The following DMRTA1 variants were observed in gnomAD, a reference collection of about 807,000 sequenced individuals.
The protein encoded by DMRTA1 is DMRT like family A1.
DMRTA1 carries 34 observed loss-of-function variants against 35.2 expected under a neutral mutation model. The ratio of observed to expected loss-of-function variants is 0.97; its 90% confidence interval spans 0.74 to 1.29. The LOEUF (loss-of-function observed/expected upper bound fraction) is 1.29. Ranked by LOEUF, DMRTA1 falls within the 50% of genes most tolerant of loss-of-function variation. The pLI is 0.00. For synonymous variants in DMRTA1, 344 were observed against 276.6 expected (o/e 1.24, Z -2.42); for missense variants, 824 against 644.6 (o/e 1.28, Z -3.01).
chr9:22,446,910 C>T lies in DMRTA1; in HGVS notation c.-156C>T, dbSNP rs1487313425. The T allele has an allele frequency of 1.1e-6, 1 of 945,860 alleles. No individual in the cohort carries two copies. Among genetic ancestry groups the T allele is most frequent in the Non-Finnish European group, 1.5e-6 (1 of 651,394 alleles). The allele number at this position is 945,860 out of a possible 1,614,324, so 58.6% of individuals were successfully genotyped here. A position where few individuals can be genotyped will look rare whatever the true frequency, so the allele number is the denominator to read the frequency against. On this transcript the variant is annotated 5_prime_UTR_variant, in exon 1 of 2. Transcript: ENST00000325870. ...CTCCAGGACGCGGTCGTCCCAACTC[C>T]TTCCGAGTGGAAAGAGTGTAAAACT...
rs1376141620 is a variant in DMRTA1 at position 22,455,116 on chromosome 9, CAT to C, written c.*3207_*3208del. 6.6e-6 allele frequency: 1 copy of C among 152,142 alleles called. No individual in the cohort carries two copies. The highest frequency in any genetic ancestry group is 1.5e-5 in the Non-Finnish European group (1 of 68,018). The allele number at this position is 152,142 out of a possible 1,614,324, so 9.4% of individuals were successfully genotyped here. A position where few individuals can be genotyped will look rare whatever the true frequency, so the allele number is the denominator to read the frequency against. On this transcript the variant is annotated 3_prime_UTR_variant, in exon 2 of 2. Transcript: ENST00000325870. The stretch of plus-strand genomic sequence containing the variant: ...CCTGAGAGTAGGCAGAAAAGAAAGA[CAT>C]AGAACGCAGTGCGTGACTTACAAGG...
Position 22,447,795 on chromosome 9 carries a change from A to G in DMRTA1, c.667+63A>G, listed in dbSNP as rs1448286497. ...GGTTGTTCTGGAAAGAAACTCTGAA[A>G]CAAGCCACCGTGTCCATAGGCGGGC... On this transcript the variant is annotated intron_variant, in intron 1 of 1. Coordinates refer to ENST00000325870, the MANE Select transcript of DMRTA1 (RefSeq NM_022160.3). 5.6e-6 allele frequency: 9 copies of G among 1,593,272 alleles called. No individual in the cohort carries two copies. The African/African-American group carries it at 1.2e-4, about 21-fold the overall frequency.
intron 1 of DMRTA1, 51 bp downstream of exon 1, chr9:22,447,783 AG>A (rs774005035): frequency 1.9e-6 from 3 of 1,604,770 alleles, no homozygotes; most frequent in African/African-American, 1.3e-5. Context: ...TGTTCTGGAA[AG>A]AAACTCTGAA....
At position 22,455,114 on chromosome 9, in the gene DMRTA1, G is replaced by A. The variant is rs969868063; in HGVS notation, c.*3203G>A. 2 of 152,164 alleles carry A rather than the reference G, an allele frequency of 1.3e-5. No homozygotes were observed. The highest frequency in any genetic ancestry group is 2.9e-5 in the Non-Finnish European group (2 of 68,018). 9.4% of individuals were successfully genotyped at this position (152,164 alleles called of 1,614,324 possible). ...CTCCTGAGAGTAGGCAGAAAAGAAA[G>A]ACATAGAACGCAGTGCGTGACTTAC... is the stretch of plus-strand genomic sequence containing the variant. On this transcript the variant is annotated 3_prime_UTR_variant, in exon 2 of 2. Coordinates refer to ENST00000325870, the MANE Select transcript of DMRTA1 (RefSeq NM_022160.3).
At chr9:22,448,482 AT>A (rs1311444594) in intron 1 of DMRTA1, among the ~76,000 whole-genome samples, 27 of 152,024 alleles carry the variant, frequency 1.8e-4, no homozygotes, top group Non-Finnish European at 2.5e-4. Flanking sequence ...AGTTTTCATT[AT>A]TTTTCTCTTA....
Position 22,451,391 on chromosome 9 carries a change from T to C in DMRTA1, c.995T>C (p.Ile332Thr). ...TCAAGACCAAGAGATCCTCTTGATA[T>C]CCTTACTAAGATTTTCCCAAATTAC... ...VSSRPRDPLD[I>T]LTKIFPNYRR... The change falls in exon 2 of 2, where the codon ATC becomes ACC. Residue 332 changes from isoleucine to threonine, a missense_variant. Transcript: ENST00000325870. 2 of 1,614,128 alleles carry C rather than the reference T, an allele frequency of 1.2e-6. No homozygotes were observed. The highest frequency in any genetic ancestry group is 1.1e-5 in the South Asian group (1 of 91,086).
rs148609080 is a variant in DMRTA1 at position 22,450,063 on chromosome 9, A to G, written c.668-1001A>G. ...AACCAAAGTAAAAGTTACATAGTAA[A>G]TATGGCTATTTTAATTTTTGTGGTG... On this transcript the variant is annotated intron_variant, in intron 1 of 1. Coordinates refer to ENST00000325870, the MANE Select transcript of DMRTA1 (RefSeq NM_022160.3). Among the ~76,000 whole-genome samples, 1,051 of 152,266 alleles carry G rather than the reference A, an allele frequency of 6.9e-3. 5 individuals are homozygous for G. The highest frequency in any genetic ancestry group is 0.02 in the African/African-American group (818 of 41,586).
In DMRTA1 at chr9:22,453,427, C is replaced by T. The variant is rs1244393541; in HGVS notation, c.*1516C>T. On this transcript the variant is annotated 3_prime_UTR_variant, in exon 2 of 2. Coordinates refer to ENST00000325870, the MANE Select transcript of DMRTA1 (RefSeq NM_022160.3). ...TGCCAGCAAATGTGATATTAAATTACTTCAGAGTATCTGATGCTGATTTAG... is the reference window on the plus strand; with the variant it reads ...TGCCAGCAAATGTGATATTAAATTATTTCAGAGTATCTGATGCTGATTTAG... 6.6e-6 allele frequency: 1 copy of T among 151,974 alleles called. No individual in the cohort carries two copies. The highest frequency in any genetic ancestry group is 1.5e-5 in the Non-Finnish European group (1 of 67,926). 9.4% of individuals were successfully genotyped at this position (151,974 alleles called of 1,614,324 possible).
Position 22,447,251 on chromosome 9 carries a change from C to G in DMRTA1, c.186C>G (p.Ala62=), listed in dbSNP as rs1003716955. 7 of 1,501,722 alleles carry G rather than the reference C, an allele frequency of 4.7e-6. No individual in the cohort carries two copies. Among genetic ancestry groups the G allele is most frequent in the South Asian group, 1.3e-5 (1 of 78,630 alleles). 93.0% of individuals were successfully genotyped at this position (1,501,722 alleles called of 1,614,324 possible). Residue 62 remains alanine, a synonymous_variant, in exon 1 of 2, where the codon GCC becomes GCG. Transcript: ENST00000325870. ...SLFLRAAAAA[A]AAAAATSGSG... The stretch of plus-strand genomic sequence containing the variant: ...TTCTGCGAGCAGCGGCCGCGGCCGC[C>G]GCCGCCGCTGCCGCCACCTCGGGAA...
intron 1 of DMRTA1, 99 bp from the exon 2 acceptor site, chr9:22,450,965 G>T (rs1818914470): frequency 1.7e-6 from 2 of 1,188,906 alleles, no homozygotes; most frequent in African/African-American, 1.6e-5. Context: ...ATTAATAGGA[G>T]TGAATTAATT....
rs1456416031 is a variant in DMRTA1 at position 22,454,666 on chromosome 9, AG to A, written c.*2760del. On this transcript the variant is annotated 3_prime_UTR_variant, in exon 2 of 2. Transcript: ENST00000325870. ...CCACTAATTAGTGGTGGGAAGAAAG[AG>A]GGGGTAAATGCTTTAAGAGCTAGCA... The A allele has an allele frequency of 6.6e-6, 1 of 152,178 alleles. No individual in the cohort carries two copies. Among genetic ancestry groups the A allele is most frequent in the Admixed American group, 6.5e-5 (1 of 15,270 alleles). The allele number at this position is 152,178 out of a possible 1,614,324, so 9.4% of individuals were successfully genotyped here. A position where few individuals can be genotyped will look rare whatever the true frequency, so the allele number is the denominator to read the frequency against.
chr9:22,447,528 G>C lies in DMRTA1; in HGVS notation c.463G>C (p.Gly155Arg). The C allele has an allele frequency of 6.3e-7, 1 of 1,579,754 alleles. No homozygotes were observed. Among genetic ancestry groups the C allele is most frequent in the Non-Finnish European group, 8.6e-7 (1 of 1,163,690 alleles). The change falls in exon 1 of 2, where the codon GGG becomes CGG. Residue 155 changes from glycine (G) to arginine (R), a missense_variant. Physicochemically the swap from Gly to Arg is moderately radical, Grantham distance 125. Coordinates refer to ENST00000325870, the MANE Select transcript of DMRTA1 (RefSeq NM_022160.3). ...QQAQEESEAR[G>R]LQRLLCSGLS... ...GGCGCAGGAGGAGAGCGAAGCCCGG[G>C]GGCTACAGAGGCTCCTGTGCTCGGG...
In DMRTA1 at chr9:22,447,115, C is replaced by T. The variant is rs1335247131; in HGVS notation, c.50C>T (p.Pro17Leu). 17 of 1,609,044 alleles carry T rather than the reference C, an allele frequency of 1.1e-5. No homozygotes were observed. The highest frequency in any genetic ancestry group is 2.3e-5 in the East Asian group (1 of 44,432). The change falls in exon 1 of 2, where the codon CCT becomes CTT. Residue 17 changes from proline (P) to leucine (L), a missense_variant. Physicochemically the swap from Pro to Leu is moderately conservative, Grantham distance 98 (BLOSUM62 -3). Transcript: ENST00000325870. ...GSRDRGVSGR[P>L]HLAPGLVVAA... ...AGAGACCGAGGCGTTAGCGGCCGACCTCACTTGGCCCCTGGGCTAGTGGTG... is the reference window on the plus strand; with the variant it reads ...AGAGACCGAGGCGTTAGCGGCCGACTTCACTTGGCCCCTGGGCTAGTGGTG...
chr9:22,451,243 G>A lies in DMRTA1; in HGVS notation c.847G>A (p.Gly283Arg). Residue 283 changes from glycine to arginine, a missense_variant, in exon 2 of 2, where the codon GGA becomes AGA. By Grantham distance (125) the Gly-to-Arg change is moderately radical (BLOSUM62 -2). Coordinates refer to ENST00000325870, the MANE Select transcript of DMRTA1 (RefSeq NM_022160.3). Reference sequence around the variant, plus strand: ...TGATAGTATCCTGTCTCCTCATCCTGGAGAGCAATCAGGAGGTGAAGAGAG... The same window carrying A: ...TGATAGTATCCTGTCTCCTCATCCTAGAGAGCAATCAGGAGGTGAAGAGAG... Reference protein sequence around the residue: ...KPDSILSPHPGEQSGGEESPR... With the variant: ...KPDSILSPHPREQSGGEESPR... 1 of 1,614,020 alleles carries A rather than the reference G, an allele frequency of 6.2e-7. No homozygotes were observed. Among genetic ancestry groups the A allele is most frequent in the Non-Finnish European group, 8.5e-7 (1 of 1,179,948 alleles).
rs570309835 is a variant in DMRTA1, at chr9:22,452,660, G to A, written c.*749G>A. Reference sequence around the variant, plus strand: ...TGAGCTCTGTAGAGTATATGAATTAGAAACATTGATTCCGGAGAATAACCA... The same window carrying A: ...TGAGCTCTGTAGAGTATATGAATTAAAAACATTGATTCCGGAGAATAACCA... On this transcript the variant is annotated 3_prime_UTR_variant, in exon 2 of 2. Transcript: ENST00000325870. 4 of 152,162 alleles carry A rather than the reference G, an allele frequency of 2.6e-5. No individual in the cohort carries two copies. In the East Asian group the frequency reaches 7.7e-4, roughly 29 times the overall value. The allele number at this position is 152,162 out of a possible 1,614,324, so 9.4% of individuals were successfully genotyped here.
At position 22,454,671 on chromosome 9, in the gene DMRTA1, G is replaced by T. The variant is rs1311407606; in HGVS notation, c.*2760G>T. On this transcript the variant is annotated 3_prime_UTR_variant, in exon 2 of 2. Coordinates refer to ENST00000325870, the MANE Select transcript of DMRTA1 (RefSeq NM_022160.3). Reference sequence around the variant, plus strand: ...AATTAGTGGTGGGAAGAAAGAGGGGGTAAATGCTTTAAGAGCTAGCATATA... The same window carrying T: ...AATTAGTGGTGGGAAGAAAGAGGGGTTAAATGCTTTAAGAGCTAGCATATA... The T allele has an allele frequency of 6.6e-6, 1 of 152,172 alleles. No homozygotes were observed. Among genetic ancestry groups the T allele is most frequent in the Non-Finnish European group, 1.5e-5 (1 of 68,008 alleles). 9.4% of individuals were successfully genotyped at this position (152,172 alleles called of 1,614,324 possible). A position where few individuals can be genotyped will look rare whatever the true frequency, so the allele number is the denominator to read the frequency against.
chr9:22,451,710 G>A lies in DMRTA1; in HGVS notation c.1314G>A (p.Arg438=). 1.9e-6 allele frequency: 3 copies of A among 1,614,094 alleles called. No individual in the cohort carries two copies. Among genetic ancestry groups the A allele is most frequent in the East Asian group, 2.2e-5 (1 of 44,882 alleles). ...CTAGAGTAGGTATCAGTCCATTAAG[G>A]CTGGCATATTCTTCTGCAGGAAGAG... is the stretch of plus-strand genomic sequence containing the variant. ...VNPRVGISPL[R]LAYSSAGRGL... is the part of the protein sequence containing the mutation. Residue 438 remains arginine (R), a synonymous_variant, in exon 2 of 2, where the codon AGG becomes AGA. Transcript: ENST00000325870.
At position 22,447,167 on chromosome 9, in the gene DMRTA1, G is replaced by A. The variant is rs375102960; in HGVS notation, c.102G>A (p.Ala34=). The A allele has an allele frequency of 3.1e-6, 5 of 1,601,324 alleles. No homozygotes were observed. In the African/African-American group the frequency reaches 4.1e-5, roughly 13 times the overall value. Residue 34 remains alanine (A), a synonymous_variant, in exon 1 of 2, where the codon GCG becomes GCA. Coordinates refer to ENST00000325870, the MANE Select transcript of DMRTA1 (RefSeq NM_022160.3). ...CTGCCCCTCCGCCCCCGTCCCCGGC[G>A]TTGCCGGTACCATCGGGGATGCAGG... ...VVAAPPPPSP[A]LPVPSGMQVP... is the part of the protein sequence containing the mutation.
chr9:22,449,311 G>A (rs1261591598), intron 1 of DMRTA1, among the ~76,000 whole-genome samples: 1 of 152,144 alleles, frequency 6.6e-6, no homozygotes, highest in Admixed American at 6.5e-5. Context: ...AAAGAAGGCA[G>A]ACTATATGTA....
Sources: allele counts gnomAD v4.1 joint callset (sites outside exome capture counted in the v4.1 genomes callset), GRCh38; gene constraint gnomAD v4.1.1; transcripts MANE v1.5; gene names NCBI Gene and HGNC (gene_info 2026-07-23, HGNC 2026-07-21).